PAX7: variants seen among roughly 807,000 people sequenced by gnomAD.
PAX7 encodes the protein paired box 7.
In PAX7, 18 loss-of-function variants were observed where a neutral mutation model predicts 50.7. The ratio of observed to expected loss-of-function variants is 0.36; its 90% CI spans 0.25 to 0.53. The LOEUF (loss-of-function observed/expected upper bound fraction) is 0.53, where lower values mean the gene tolerates loss of function less well. Among genes scored for constraint, PAX7 ranks in the 20% least tolerant of loss-of-function variants. The pLI, the probability that PAX7 is intolerant of heterozygous loss-of-function variation, is 0.93. For missense variants in PAX7, 644 were observed against 702.9 expected (o/e 0.92, Z 0.95); for synonymous variants, 310 against 290.4 (o/e 1.07, Z -0.69).
chr1:18,703,014 T>G, intron 6 of PAX7, 80 bp from the exon 7 acceptor site: 1 of 1,307,676 alleles, frequency 7.6e-7, no homozygotes, highest in Non-Finnish European at 1.1e-6. Context: ...GAGGAGTCTC[T>G]TGGCTTGCCT....
chr1:18,635,312 G>C (rs770442530), intron 3 of PAX7, 72 bp downstream of exon 3: 1 of 1,539,970 alleles, frequency 6.5e-7, no homozygotes, highest in Non-Finnish European at 8.8e-7. Context: ...GGCTGGAGGT[G>C]GGAGAGAGGG....
intron 4 of PAX7, among the ~76,000 whole-genome samples, chr1:18,657,798 GC>G (rs2088544412): frequency 6.6e-6 from 1 of 151,752 alleles, no homozygotes; most frequent in South Asian, 2.1e-4. Flanking sequence ...TATTGAGAAT[GC>G]CCCCTAAAAA....
At position 18,703,590 on chromosome 1, in the gene PAX7, T is replaced by C. The variant is rs968636306; in HGVS notation, c.1155+294T>C. On this transcript the variant is annotated intron_variant, in intron 7 of 8. Coordinates refer to ENST00000420770, the MANE Select transcript of PAX7 (RefSeq NM_001135254.2). The stretch of plus-strand genomic sequence containing the variant: ...GTCAATGGAATTCTGTTTGCTCCTG[T>C]GTGATTGGTTAAGTCATTCATTGCC... Among the ~76,000 whole-genome samples, 4 of 152,208 alleles carry C rather than the reference T, an allele frequency of 2.6e-5. No homozygotes were observed. In the South Asian group the frequency reaches 8.3e-4, roughly 32 times the overall value.
chr1:18,640,584 C>A (rs2088235984), intron 4 of PAX7, among the ~76,000 whole-genome samples: 1 of 152,096 alleles, frequency 6.6e-6, no homozygotes, highest in South Asian at 2.1e-4. Flanking sequence ...CAAGTTCCCT[C>A]CTCTGTAAAT....
rs534973189 is a variant in PAX7, at chr1:18,632,311, GAGAGAACCTCTAAACGGCGAGGTTT to G, written c.85+645_85+669del. 2.6e-5 allele frequency among the ~76,000 whole-genome samples: 4 copies of G among 152,306 alleles called. No homozygotes were observed. The highest frequency in any genetic ancestry group is 2.1e-4 in the South Asian group (1 of 4,818). On this transcript the variant is annotated intron_variant, in intron 1 of 8. Coordinates refer to ENST00000420770, the MANE Select transcript of PAX7 (RefSeq NM_001135254.2). The surrounding 1 kb of genome is among the most constrained non-coding windows in gnomAD (Gnocchi z 6.3). ...CTTCCGCACTCTGGAAATCTCCCGG[GAGAGAACCTCTAAACGGCGAGGTTT>G]AGAGAACCTCTAAACGGCGAGAGGG...
chr1:18,710,238 G>A (rs1400734846), intron 7 of PAX7, among the ~76,000 whole-genome samples: 2 of 152,182 alleles, frequency 1.3e-5, no homozygotes, highest in Non-Finnish European at 2.9e-5. Context: ...TGATGGAGAT[G>A]GGGTTCTAAT....
At chr1:18,706,610 G>C (rs2089286540) in intron 7 of PAX7, among the ~76,000 whole-genome samples, 1 of 151,264 alleles carries the variant, frequency 6.6e-6, no homozygotes, top group South Asian at 2.1e-4. Context: ...CGCCTCCTGA[G>C]CAGCTGGGAT....
rs1377220842 is a variant in PAX7 at position 18,636,485 on chromosome 1, A to C, written c.586+114A>C. The C allele has an allele frequency of 5.3e-6, 7 of 1,323,128 alleles. No homozygotes were observed. Among genetic ancestry groups the C allele is most frequent in the Non-Finnish European group, 7.3e-6 (7 of 957,842 alleles). 82.0% of individuals were successfully genotyped at this position (1,323,128 alleles called of 1,614,324 possible). On this transcript the variant is annotated intron_variant, in intron 4 of 8. Coordinates refer to ENST00000420770, the MANE Select transcript of PAX7 (RefSeq NM_001135254.2). The surrounding 1 kb of genome is among the most constrained non-coding windows in gnomAD (Gnocchi z 5.1). ...CAGGCGACCAGAACTCCAGCGGAGA[A>C]ACTCTCATGCTGCGGGGCAGCTGGG...
At position 18,631,317 on chromosome 1, in the gene PAX7, G is replaced by C. The variant is rs2088038789; in HGVS notation, c.-287G>C. On this transcript the variant is annotated 5_prime_UTR_variant, in exon 1 of 9. Coordinates refer to ENST00000420770, the MANE Select transcript of PAX7 (RefSeq NM_001135254.2). ...AACTTCTGGCCGAGGCCAGCCGGCA[G>C]AGGCGGACTTGGGGTTGGAGTGTTT... The C allele has an allele frequency of 3.0e-6, 1 of 338,600 alleles. No individual in the cohort carries two copies. The highest frequency in any genetic ancestry group is 5.4e-6 in the Non-Finnish European group (1 of 184,258). The allele number at this position is 338,600 out of a possible 1,614,324, so 21.0% of individuals were successfully genotyped here.
At chr1:18,671,643 T>A (rs977290968) in intron 4 of PAX7, among the ~76,000 whole-genome samples, 2 of 152,026 alleles carry the variant, frequency 1.3e-5, no homozygotes, top group African/African-American at 4.8e-5. Flanking sequence ...CCCTGCCTTA[T>A]ATCTTTGGGT....
At chr1:18,680,245 C>A (rs1378756475) in intron 4 of PAX7, among the ~76,000 whole-genome samples, 1 of 151,948 alleles carries the variant, frequency 6.6e-6, no homozygotes, top group Non-Finnish European at 1.5e-5. Flanking sequence ...GCTCTTATTC[C>A]CAGGGGGATG....
chr1:18,680,638 C>G (rs953352420), intron 4 of PAX7, among the ~76,000 whole-genome samples: 1 of 152,190 alleles, frequency 6.6e-6, no homozygotes, highest in African/African-American at 2.4e-5. Context: ...CTTCTCACCT[C>G]TCCCCCAGTG....
At position 18,631,340 on chromosome 1, in the gene PAX7, T is replaced by G; in HGVS notation, c.-264T>G. Reference sequence around the variant, plus strand: ...CAGAGGCGGACTTGGGGTTGGAGTGTTTGTTTGTTTGAACTTCCTCGTCGT... The same window carrying G: ...CAGAGGCGGACTTGGGGTTGGAGTGGTTGTTTGTTTGAACTTCCTCGTCGT... On this transcript the variant is annotated 5_prime_UTR_variant, in exon 1 of 9. Transcript: ENST00000420770. 2.2e-6 allele frequency: 1 copy of G among 458,688 alleles called. No individual in the cohort carries two copies. 28.4% of individuals were successfully genotyped at this position (458,688 alleles called of 1,614,324 possible). A position where few individuals can be genotyped will look rare whatever the true frequency, so the allele number is the denominator to read the frequency against.
At chr1:18,647,871 A>C (rs921240779) in intron 4 of PAX7, among the ~76,000 whole-genome samples, 1 of 152,308 alleles carries the variant, frequency 6.6e-6, no homozygotes, top group East Asian at 1.9e-4. Context: ...AGCCAAGTGC[A>C]AATAAATAGT....
intron 4 of PAX7, among the ~76,000 whole-genome samples, chr1:18,642,336 C>T (rs966656544): frequency 2.0e-5 from 3 of 152,030 alleles, no homozygotes; most frequent in African/African-American, 7.2e-5. Context: ...CTGGCCGTGG[C>T]CCTGGAAGCT....
chr1:18,686,887 A>ATTG (rs1357352148), intron 4 of PAX7, among the ~76,000 whole-genome samples: 3 of 24,752 alleles, frequency 1.2e-4, no homozygotes, highest in Non-Finnish European at 1.7e-4. Flanking sequence ...ATTTTATTTT[A>ATTG]TTATTATTAT....
chr1:18,634,078 C>A lies in PAX7; in HGVS notation c.86-225C>A, dbSNP rs1023225459. Among the ~76,000 whole-genome samples, 7 of 152,210 alleles carry A rather than the reference C, an allele frequency of 4.6e-5. No homozygotes were observed. The highest frequency in any genetic ancestry group is 1.7e-4 in the African/African-American group (7 of 41,446). On this transcript the variant is annotated intron_variant, in intron 1 of 8. Transcript: ENST00000420770. The surrounding 1 kb of genome is among the most constrained non-coding windows in gnomAD (Gnocchi z 4.0). ...GACACAGCATCTGGGGAGACTCTTG[C>A]AGCTGTGACTCCTCTATCCATCTCT...
chr1:18,725,428 G>A (rs187800674), intron 7 of PAX7, among the ~76,000 whole-genome samples: 18 of 150,942 alleles, frequency 1.2e-4, no homozygotes, highest in East Asian at 2.0e-4. Flanking sequence ...CCTTCCTCCC[G>A]CCTGCCCCTC....
chr1:18,645,297 G>A (rs1570115246), intron 4 of PAX7, among the ~76,000 whole-genome samples: 1 of 152,266 alleles, frequency 6.6e-6, no homozygotes, highest in Admixed American at 6.5e-5. Context: ...GGGAGGAGCG[G>A]CTGGGCTGCG....
Sources: allele counts gnomAD v4.1 joint callset (sites outside exome capture counted in the v4.1 genomes callset), GRCh38; gene constraint gnomAD v4.1.1; non-coding constraint Gnocchi (gnomAD v3.1); transcripts MANE v1.5; gene names NCBI Gene and HGNC (gene_info 2026-07-23, HGNC 2026-07-21).